The following LRRC69 variants were observed in gnomAD, a reference collection of about 807,000 sequenced individuals.
LRRC69 encodes the protein leucine rich repeat containing 69.
A neutral mutation model predicts 37.8 loss-of-function variants in LRRC69; 42 were observed. The ratio of observed to expected loss-of-function variants is 1.11; its 90% CI spans 0.87 to 1.44. LRRC69 has a LOEUF of 1.44. Among genes scored for constraint, LRRC69 ranks in the 40% most tolerant of loss-of-function variants. The pLI, the probability that LRRC69 is intolerant of heterozygous loss-of-function variation, is 0.00. For synonymous variants in LRRC69, 141 were observed against 143.1 expected, an observed-to-expected ratio of 0.99 and a Z score of 0.11; for missense variants, 357 against 401.9, an observed-to-expected ratio of 0.89 and a Z score of 0.96.
At chr8:91,198,633 C>T (rs1438356805) in intron 6 of LRRC69, among the ~76,000 whole-genome samples, 1 of 152,034 alleles carries the variant, frequency 6.6e-6, no homozygotes, top group South Asian at 2.1e-4. Flanking sequence ...TTATAATTAA[C>T]TTACAAATAT....
intron 5 of LRRC69, among the ~76,000 whole-genome samples, chr8:91,188,815 C>T (rs2130608877): frequency 6.6e-6 from 1 of 150,784 alleles, no homozygotes; most frequent in East Asian, 2.0e-4. Context: ...TCCTTGTGAA[C>T]TGTATATCTT....
intron 5 of LRRC69, among the ~76,000 whole-genome samples, chr8:91,159,314 T>G (rs79575398): frequency 0.052 from 7,935 of 151,328 alleles, 300 homozygotes; most frequent in Middle Eastern, 0.16. Context: ...AGAGTTGAGA[T>G]ACAATTCTAT....
chr8:91,197,728 C>T (rs900142835), intron 6 of LRRC69, among the ~76,000 whole-genome samples: 1 of 152,042 alleles, frequency 6.6e-6, no homozygotes, highest in Non-Finnish European at 1.5e-5. Flanking sequence ...CACCCACTGA[C>T]CGGCGCCCAC....
In LRRC69 at chr8:91,157,560, G is replaced by A. The variant is rs912939657; in HGVS notation, c.651+21821G>A. ...TTAATGAGAATGAGGGTTTACTCCT[G>A]GAAGATAATATCAGAATGTTTACAA... On this transcript the variant is annotated intron_variant, in intron 5 of 7. Coordinates refer to ENST00000448384, the Ensembl canonical transcript of LRRC69. The A allele has an allele frequency of 1.6e-5, 25 of 1,525,014 alleles. No homozygotes were observed. The African/African-American group carries it at 2.5e-4, about 15-fold the overall frequency. The allele number at this position is 1,525,014 out of a possible 1,614,324, so 94.5% of individuals were successfully genotyped here.
intron 5 of LRRC69, among the ~76,000 whole-genome samples, chr8:91,163,613 C>A (rs912430377): frequency 6.6e-6 from 1 of 151,332 alleles, no homozygotes; most frequent in Non-Finnish European, 1.5e-5. Context: ...TTTCCTGTTC[C>A]ACTTATTTTT....
At chr8:91,173,633 C>T (rs1809172244) in intron 5 of LRRC69, among the ~76,000 whole-genome samples, 2 of 151,998 alleles carry the variant, frequency 1.3e-5, no homozygotes, top group African/African-American at 4.8e-5. Context: ...TAACAAAATA[C>T]CTTAGACTGA....
intron 1 of LRRC69, among the ~76,000 whole-genome samples, chr8:91,113,820 A>G (rs1179810716): frequency 6.6e-6 from 1 of 151,714 alleles, no homozygotes; most frequent in Non-Finnish European, 1.5e-5. Context: ...TGATGTGGTT[A>G]AAATACAAAA....
At chr8:91,138,361 C>G (rs188715195) in intron 5 of LRRC69, among the ~76,000 whole-genome samples, 6 of 151,720 alleles carry the variant, frequency 4.0e-5, no homozygotes, top group Non-Finnish European at 7.4e-5. Flanking sequence ...CTCTGTGTAC[C>G]CATTACTTTT....
chr8:91,138,159 AC>A (rs1159536263), intron 5 of LRRC69, among the ~76,000 whole-genome samples: 7 of 152,030 alleles, frequency 4.6e-5, no homozygotes, highest in Admixed American at 2.0e-4. Context: ...AGGAATAGAA[AC>A]TATTATATGT....
intron 4 of LRRC69, among the ~76,000 whole-genome samples, chr8:91,134,476 A>G (rs148980187): frequency 8.9e-4 from 99 of 111,814 alleles, no homozygotes; most frequent in African/African-American, 3.2e-3. Context: ...CAGGAGAGAG[A>G]GGAAATTACA....
Position 91,158,682 on chromosome 8 carries a change from A to G in LRRC69, c.651+22943A>G. ...AATTTGGTTACTCCACTGCCATGTGACTGACCACATTCATGCTGGAATGGA... is the reference window on the plus strand; with the variant it reads ...AATTTGGTTACTCCACTGCCATGTGGCTGACCACATTCATGCTGGAATGGA... On this transcript the variant is annotated intron_variant, in intron 5 of 7. Transcript: ENST00000448384. 5 of 1,207,422 alleles carry G rather than the reference A, an allele frequency of 4.1e-6. No individual in the cohort carries two copies. In the South Asian group the frequency reaches 6.1e-5, roughly 15 times the overall value. The allele number at this position is 1,207,422 out of a possible 1,614,324, so 74.8% of individuals were successfully genotyped here. A position where few individuals can be genotyped will look rare whatever the true frequency, so the allele number is the denominator to read the frequency against.
chr8:91,169,168 C>T (rs1221793274), intron 5 of LRRC69, among the ~76,000 whole-genome samples: 1 of 151,882 alleles, frequency 6.6e-6, no homozygotes, highest in African/African-American at 2.4e-5. Flanking sequence ...AAACTAAATA[C>T]TGCATGTTCT....
At chr8:91,119,539 A>C (rs1316539558) in intron 1 of LRRC69, among the ~76,000 whole-genome samples, 1 of 152,020 alleles carries the variant, frequency 6.6e-6, no homozygotes, top group Non-Finnish European at 1.5e-5. Context: ...CTTCCAGTCA[A>C]AGGACCATGT....
chr8:91,185,445 A>G (rs1166008273), intron 5 of LRRC69, among the ~76,000 whole-genome samples: 1 of 150,680 alleles, frequency 6.6e-6, no homozygotes, highest in Non-Finnish European at 1.5e-5. Flanking sequence ...TCTTTTCTTC[A>G]CCTCCCTCTA....
At chr8:91,188,009 G>A (rs1246813844) in intron 5 of LRRC69, among the ~76,000 whole-genome samples, 1 of 145,254 alleles carries the variant, frequency 6.9e-6, no homozygotes, top group Non-Finnish European at 1.5e-5. Flanking sequence ...AAGAATGGTG[G>A]TTACATAGAA....
At chr8:91,113,830 A>T (rs1370838542) in intron 1 of LRRC69, among the ~76,000 whole-genome samples, 3 of 151,766 alleles carry the variant, frequency 2.0e-5, no homozygotes, top group Non-Finnish European at 4.4e-5. Flanking sequence ...AAAATACAAA[A>T]TATATAAGGA....
intron 5 of LRRC69, 50 bp downstream of exon 5, chr8:91,135,789 T>C: frequency 1.9e-6 from 2 of 1,032,344 alleles, no homozygotes. Context: ...TTGTTTATGC[T>C]ATTGGGAATA....
At chr8:91,197,503 G>A (rs1194066601) in intron 6 of LRRC69, among the ~76,000 whole-genome samples, 1 of 152,030 alleles carries the variant, frequency 6.6e-6, no homozygotes, top group Admixed American at 6.6e-5. Flanking sequence ...AGACTCCGTG[G>A]GCGTAGGACC....
At chr8:91,218,935 T>C (rs745763599) in exon 8 of LRRC69, 7 of 1,550,896 alleles carry the variant, frequency 4.5e-6, no homozygotes, top group Non-Finnish European at 6.1e-6. Context: ...TCTCCAAGTA[T>C]TAATTTGTTC....
Sources: gnomAD v4.1 joint callset for allele counts (sites outside exome capture counted in the v4.1 genomes callset) on GRCh38, gnomAD v4.1.1 for gene constraint, MANE v1.5 for transcripts, NCBI Gene and HGNC (gene_info 2026-07-23, HGNC 2026-07-21) for gene names.